The following IL1RAPL2 variants were observed in gnomAD, a reference collection of about 807,000 sequenced individuals.
IL1RAPL2 encodes interleukin 1 receptor accessory protein like 2.
A neutral mutation model predicts 44.1 loss-of-function variants in IL1RAPL2; 3 were observed. The ratio of observed to expected loss-of-function variants is 0.07; its 90% confidence interval spans 0.03 to 0.18. The LOEUF (loss-of-function observed/expected upper bound fraction) is 0.18, where lower values mean the gene tolerates loss of function less well. Ranked by LOEUF, IL1RAPL2 falls within the 10% of genes least tolerant of loss-of-function variation. The pLI is 1.00. For missense variants in IL1RAPL2, 391 were observed against 496.4 expected (o/e 0.79, Z 2.02); for synonymous variants, 181 against 178.8 (o/e 1.01, Z -0.10).
chrX:105,761,907 AATTG>A (rs2038691150), intron 10 of IL1RAPL2, among the ~76,000 whole-genome samples: 1 of 112,241 alleles, frequency 8.9e-6, no homozygotes, highest in Non-Finnish European at 1.9e-5. Flanking sequence ...ATAAGGAGCT[AATTG>A]ATTGATTAGT....
At chrX:105,185,402 T>C (rs2033575283) in intron 2 of IL1RAPL2, among the ~76,000 whole-genome samples, 1 of 112,133 alleles carries the variant, frequency 8.9e-6, no homozygotes, top group Non-Finnish European at 1.9e-5. Flanking sequence ...ACATTGAAAT[T>C]TTAAAAAATA....
At chrX:104,769,552 G>A (rs1201261609) in intron 2 of IL1RAPL2, among the ~76,000 whole-genome samples, 2 of 112,401 alleles carry the variant, frequency 1.8e-5, no homozygotes, top group Admixed American at 9.4e-5. Flanking sequence ...CTCTGACAAA[G>A]TAGCAGTAAT....
Position 104,611,559 on chromosome X carries a change from C to T in IL1RAPL2, c.-20+44508C>T, listed in dbSNP as rs892002776. The stretch of plus-strand genomic sequence containing the variant: ...TGCACTAGCAGCAAGAATTTCAAGC[C>T]GGGCACGGTGGCTCACACCTGTAAT... On this transcript the variant is annotated intron_variant, in intron 1 of 10. Coordinates refer to ENST00000372582, the MANE Select transcript of IL1RAPL2 (RefSeq NM_017416.2). Among the ~76,000 whole-genome samples, 35 of 111,307 alleles carry T rather than the reference C, an allele frequency of 3.1e-4. 1 individual carries two copies. The highest frequency in any genetic ancestry group is 1.0e-3 in the African/African-American group (32 of 30,675).
chrX:104,648,087 A>G lies in IL1RAPL2; in HGVS notation c.-19-10808A>G. ...GCCACACATCCAAACCTCTTCCTAC[A>G]GATTTCCATACACATACACACACAT... is the stretch of plus-strand genomic sequence containing the variant. On this transcript the variant is annotated intron_variant, in intron 1 of 10. Transcript: ENST00000372582. 5 of 445,433 alleles carry G rather than the reference A, an allele frequency of 1.1e-5. 1 individual carries two copies. In the South Asian group the frequency reaches 1.2e-4, roughly 10 times the overall value. 36.7% of individuals were successfully genotyped at this position (445,433 alleles called of 1,213,427 possible). A position where few individuals can be genotyped will look rare whatever the true frequency, so the allele number is the denominator to read the frequency against.
chrX:105,042,905 A>T (rs2031772286), intron 2 of IL1RAPL2, among the ~76,000 whole-genome samples: 1 of 107,936 alleles, frequency 9.3e-6, no homozygotes, highest in South Asian at 4.2e-4. Context: ...GCCATAAAAA[A>T]GGATGAGTTC....
intron 6 of IL1RAPL2, among the ~76,000 whole-genome samples, chrX:105,613,102 G>A (rs1297682725): frequency 1.8e-5 from 2 of 111,747 alleles, no homozygotes; most frequent in Non-Finnish European, 3.8e-5. Flanking sequence ...GACTACTTGA[G>A]GAGAGGAGAA....
intron 2 of IL1RAPL2, among the ~76,000 whole-genome samples, chrX:104,767,588 A>G: frequency 8.9e-6 from 1 of 111,938 alleles, no homozygotes; most frequent in Non-Finnish European, 1.9e-5. Context: ...GCTAAGCTGA[A>G]TGCACTTGGG....
At chrX:105,488,180 G>C (rs1399088335) in intron 6 of IL1RAPL2, among the ~76,000 whole-genome samples, 1 of 111,893 alleles carries the variant, frequency 8.9e-6, no homozygotes, top group Non-Finnish European at 1.9e-5. Flanking sequence ...TTGAATCTGG[G>C]TTGGCCGTCG....
chrX:104,572,562 A>G (rs1010206010), intron 1 of IL1RAPL2, among the ~76,000 whole-genome samples: 1 of 111,690 alleles, frequency 9.0e-6, no homozygotes, highest in African/African-American at 3.3e-5. Flanking sequence ...TTTATCTCTC[A>G]TACCTCATAG....
At chrX:105,271,900 A>C (rs1054923261) in intron 5 of IL1RAPL2, among the ~76,000 whole-genome samples, 1 of 108,128 alleles carries the variant, frequency 9.2e-6, no homozygotes, top group South Asian at 4.2e-4. Context: ...GTATCCTGAG[A>C]CTTTGCTGAA....
At chrX:105,736,401 GA>G (rs377272878) in intron 7 of IL1RAPL2, among the ~76,000 whole-genome samples, 4,473 of 91,992 alleles carry the variant, frequency 0.049, 251 homozygotes, top group African/African-American at 0.16. Context: ...CTTCTGCACA[GA>G]AAAAAAAAAA....
intron 2 of IL1RAPL2, among the ~76,000 whole-genome samples, chrX:105,114,760 A>G (rs1292430905): frequency 8.9e-6 from 1 of 111,925 alleles, no homozygotes; most frequent in Non-Finnish European, 1.9e-5. Flanking sequence ...CCTTCTTTCA[A>G]TGTTGCCAAG....
chrX:104,884,340 G>A (rs1047016080), intron 2 of IL1RAPL2, among the ~76,000 whole-genome samples: 7 of 111,829 alleles, frequency 6.3e-5, no homozygotes, highest in Admixed American at 1.9e-4. Flanking sequence ...TCCAGGGACC[G>A]TTGCGGGTTC....
At chrX:104,582,717 CT>C (rs1472087053) in intron 1 of IL1RAPL2, among the ~76,000 whole-genome samples, 1 of 77,474 alleles carries the variant, frequency 1.3e-5, no homozygotes, top group Non-Finnish European at 2.5e-5. Flanking sequence ...TTATTTCTTT[CT>C]TTCTCTCTCT....
intron 2 of IL1RAPL2, among the ~76,000 whole-genome samples, chrX:104,730,833 C>G (rs1206133353): frequency 9.1e-6 from 1 of 110,444 alleles, no homozygotes; most frequent in Non-Finnish European, 1.9e-5. Flanking sequence ...GTTTACAGTC[C>G]CACCAACAGT....
chrX:105,767,532 G>C lies in IL1RAPL2; in HGVS notation c.1932G>C (p.Leu644=). 8.3e-7 allele frequency: 1 copy of C among 1,210,057 alleles called. No homozygotes were observed. Among genetic ancestry groups the C allele is most frequent in the East Asian group, 3.0e-5 (1 of 33,816 alleles). ...GCAACCACCATACTTATTGTAACCT[G>C]CCTCTGACGCTACTCAACGGACAGC... ...SLGNHHTYCN[L]PLTLLNGQLP... is the part of the protein sequence containing the mutation. The change falls in exon 11 of 11, where the codon CTG becomes CTC. Residue 644 remains leucine (L), a synonymous_variant. Transcript: ENST00000372582.
At chrX:105,553,491 A>G (rs1205912287) in intron 6 of IL1RAPL2, among the ~76,000 whole-genome samples, 2 of 111,769 alleles carry the variant, frequency 1.8e-5, no homozygotes, top group Non-Finnish European at 3.8e-5. Context: ...AAAGTTATGT[A>G]TTTTCTTCCT....
At chrX:104,764,851 T>C (rs1932530446) in intron 2 of IL1RAPL2, among the ~76,000 whole-genome samples, 4 of 112,493 alleles carry the variant, frequency 3.6e-5, no homozygotes, top group Admixed American at 2.8e-4. Context: ...ATATGTTGTA[T>C]CACATTCATT....
chrX:105,660,659 T>G, intron 6 of IL1RAPL2, among the ~76,000 whole-genome samples: 1 of 111,932 alleles, frequency 8.9e-6, no homozygotes, highest in East Asian at 2.8e-4. Context: ...GAGTTTTTAG[T>G]AGTTTTCATT....
Sources: allele counts gnomAD v4.1 joint callset (sites outside exome capture counted in the v4.1 genomes callset), GRCh38; gene constraint gnomAD v4.1.1; transcripts MANE v1.5; gene names NCBI Gene and HGNC (gene_info 2026-07-23, HGNC 2026-07-21).